DDX17: variants seen among roughly 807,000 people sequenced by gnomAD.
The protein encoded by DDX17 is DEAD-box helicase 17, also known as probable ATP-dependent RNA helicase DDX17.
Under a neutral mutation model 80.8 loss-of-function variants are expected in DDX17, and 10 were observed. The ratio of observed to expected loss-of-function variants is 0.12; its 90% CI spans 0.08 to 0.21. DDX17 has a LOEUF of 0.21. Ranked by LOEUF, DDX17 falls within the 10% of genes least tolerant of loss-of-function variation. DDX17 has a pLI of 1.00. For synonymous variants in DDX17, 339 were observed against 336.2 expected, an observed-to-expected ratio of 1.01 and a Z score of -0.09; for missense variants, 586 against 957.4, an observed-to-expected ratio of 0.61 and a Z score of 5.12.
At chr22:38,488,704 A>C (rs140396998) in intron 11 of DDX17, 94 of 987,988 alleles carry the variant, frequency 9.5e-5, no homozygotes, top group Non-Finnish European at 1.1e-4. Flanking sequence ...TAAGAAACTG[A>C]GTAGAGCCAA....
chr22:38,491,017 G>A (rs909031534), intron 11 of DDX17: 3 of 152,768 alleles, frequency 2.0e-5, no homozygotes, highest in Admixed American at 2.0e-4. Context: ...AACCATTACT[G>A]AAAGCTTTAT....
At position 38,496,570 on chromosome 22, in the gene DDX17, G is replaced by A. The variant is rs552329885; in HGVS notation, c.739-633C>T. ...TCCCCATGTTGGCCAGGCTAGTCTC[G>A]AACTCCTGACTTCATGTGATCTGCC... is the stretch of plus-strand genomic sequence containing the variant. On this transcript the variant is annotated intron_variant, in intron 5 of 12. Transcript: ENST00000403230. 5.9e-5 allele frequency among the ~76,000 whole-genome samples: 9 copies of A among 152,172 alleles called. No individual in the cohort carries two copies. In the South Asian group the frequency reaches 1.2e-3, roughly 21 times the overall value.
chr22:38,501,309 C>G (rs768273865), intron 1 of DDX17, 29 bp from the exon 2 acceptor site: 1 of 1,594,824 alleles, frequency 6.3e-7, no homozygotes. Context: ...GTTAGTTCAT[C>G]AGTATTTTTA....
chr22:38,486,788 A>C (rs965830963), intron 12 of DDX17, among the ~76,000 whole-genome samples: 2 of 152,126 alleles, frequency 1.3e-5, no homozygotes, highest in African/African-American at 4.8e-5. Flanking sequence ...CTCAGTTTCT[A>C]CCCACCACTA....
rs1283221218 is a variant in DDX17 at position 38,485,726 on chromosome 22, A to T, written c.*209T>A. The T allele has an allele frequency of 4.4e-5, 19 of 429,756 alleles. No homozygotes were observed. The highest frequency in any genetic ancestry group is 4.0e-4 in the African/African-American group (19 of 48,014). 26.6% of individuals were successfully genotyped at this position (429,756 alleles called of 1,614,324 possible). A position where few individuals can be genotyped will look rare whatever the true frequency, so the allele number is the denominator to read the frequency against. On this transcript the variant is annotated 3_prime_UTR_variant, in exon 13 of 13. Transcript: ENST00000403230. ...TTTTTTTTACAAAATGTTATTCCAG[A>T]CTGGATCATTTTGGTGGGCAGAAGA...
Position 38,493,744 on chromosome 22 carries a change from G to A in DDX17, c.1353C>T (p.Asp451=). 6.2e-7 allele frequency: 1 copy of A among 1,613,738 alleles called. No individual in the cohort carries two copies. Among genetic ancestry groups the A allele is most frequent in the Non-Finnish European group, 8.5e-7 (1 of 1,179,646 alleles). The change falls in exon 10 of 13, where the codon GAC becomes GAT. Residue 451 remains aspartate, a synonymous_variant. Transcript: ENST00000403230. ...CCCAATCTCTTTCTGGTTGACTCTT[G>A]TCTCCATGGATACACATAGCTGGCC...
chr22:38,497,976 T>C, intron 5 of DDX17, 109 bp downstream of exon 5: 2 of 988,972 alleles, frequency 2.0e-6, no homozygotes, highest in Non-Finnish European at 3.1e-6. Context: ...CATTTCCACC[T>C]ATGGAGGGTG....
At chr22:38,502,506 GTAT>G (rs1232243456) in intron 1 of DDX17, among the ~76,000 whole-genome samples, 7 of 150,866 alleles carry the variant, frequency 4.6e-5, no homozygotes, top group Non-Finnish European at 8.8e-5. Context: ...TTCCCAAATG[GTAT>G]TATTAATTTA....
chr22:38,483,571 C>G lies in DDX17; in HGVS notation c.*2364G>C, dbSNP rs1392430399. The G allele has an allele frequency of 6.6e-6, 1 of 152,604 alleles. No homozygotes were observed. Among genetic ancestry groups the G allele is most frequent in the Non-Finnish European group, 1.5e-5 (1 of 68,044 alleles). 9.5% of individuals were successfully genotyped at this position (152,604 alleles called of 1,614,324 possible). A position where few individuals can be genotyped will look rare whatever the true frequency, so the allele number is the denominator to read the frequency against. ...GCCTGAACATCACACATCTACAAGT[C>G]TTTCAAGTCTTAATGCAACAGGAAT... On this transcript the variant is annotated 3_prime_UTR_variant, in exon 13 of 13. Transcript: ENST00000403230.
intron 6 of DDX17, 109 bp from the exon 7 acceptor site, chr22:38,495,155 C>G: frequency 9.3e-7 from 1 of 1,073,156 alleles, no homozygotes; most frequent in Non-Finnish European, 1.3e-6. Context: ...GGCCAGTTCA[C>G]AACCAGCCTG....
At chr22:38,491,801 C>T (rs1342530163) in intron 11 of DDX17, 4 of 378,782 alleles carry the variant, frequency 1.1e-5, no homozygotes, top group East Asian at 4.6e-5. Context: ...CTAGGCCTTG[C>T]TGCAGACCAA....
At position 38,486,229 on chromosome 22, in the gene DDX17, T is replaced by C. The variant is rs2089657960; in HGVS notation, c.1896A>G (p.Gln632=). The C allele has an allele frequency of 1.9e-6, 3 of 1,614,082 alleles. No individual in the cohort carries two copies. The highest frequency in any genetic ancestry group is 1.3e-5 in the African/African-American group (1 of 74,926). The change falls in exon 13 of 13, where the codon CAA becomes CAG. Residue 632 remains glutamine, a synonymous_variant. Transcript: ENST00000403230. ...CATAGGTGCCTTGACCATAGGTGTA[T>C]TGGCCTGCTTGTGCTCCAAAGGCAG...
chr22:38,491,129 T>C (rs913328385), intron 11 of DDX17: 1 of 152,310 alleles, frequency 6.6e-6, no homozygotes, highest in Admixed American at 6.5e-5. Context: ...GAGAGAACTT[T>C]CCATCATGGC....
chr22:38,499,068 AAACCATTACC>A (rs1041521957), intron 3 of DDX17, among the ~76,000 whole-genome samples: 1 of 152,192 alleles, frequency 6.6e-6, no homozygotes, highest in Non-Finnish European at 1.5e-5. Context: ...GAAATTTGAA[AAACCATTACC>A]CTAAAGCATC....
chr22:38,487,016 A>G (rs2089666400), intron 12 of DDX17, among the ~76,000 whole-genome samples: 1 of 152,080 alleles, frequency 6.6e-6, no homozygotes, highest in Non-Finnish European at 1.5e-5. Flanking sequence ...AAAAATACAA[A>G]AATTAGCTGG....
In DDX17 at chr22:38,501,280, T is replaced by A; in HGVS notation, c.288A>T (p.Gly96=). 1 of 1,603,714 alleles carries A rather than the reference T, an allele frequency of 6.2e-7. No individual in the cohort carries two copies. Among genetic ancestry groups the A allele is most frequent in the Non-Finnish European group, 8.5e-7 (1 of 1,176,232 alleles). Residue 96 remains glycine (G), a splice_region_variant and synonymous_variant, in exon 2 of 13, where the codon GGA becomes GGT. Transcript: ENST00000403230. ...GGCCACCACCACCTCTTGCTCCAAATCTAGGAACAGAATTTTTAGTTAGTT... is the reference window on the plus strand; with the variant it reads ...GGCCACCACCACCTCTTGCTCCAAAACTAGGAACAGAATTTTTAGTTAGTT...
chr22:38,500,894 G>C (rs990975814), intron 2 of DDX17, among the ~76,000 whole-genome samples: 2 of 141,396 alleles, frequency 1.4e-5, no homozygotes, highest in African/African-American at 5.3e-5. Flanking sequence ...ACTTTGAAAA[G>C]CTGAGGCAGG....
intron 11 of DDX17, chr22:38,490,324 T>C (rs1278506289): frequency 7.8e-7 from 1 of 1,287,002 alleles, no homozygotes; most frequent in Non-Finnish European, 1.0e-6. Flanking sequence ...GAATCGCCAA[T>C]CACTAATAAG....
Position 38,489,981 on chromosome 22 carries a change from G to A in DDX17, c.1448-1866C>T. ...ATGCGTTAAGTGTGCTTTCCTAGCA[G>A]AAAGCACCAGGGTGGAGTCAACAGT... is the stretch of plus-strand genomic sequence containing the variant. On this transcript the variant is annotated intron_variant, in intron 11 of 12. Coordinates refer to ENST00000403230, the MANE Select transcript of DDX17 (RefSeq NM_006386.5). The surrounding 1 kb of genome is among the most constrained non-coding windows in gnomAD (Gnocchi z 4.6). 1 of 1,012,646 alleles carries A rather than the reference G, an allele frequency of 9.9e-7. No individual in the cohort carries two copies. The highest frequency in any genetic ancestry group is 1.2e-6 in the Non-Finnish European group (1 of 845,584). The allele number at this position is 1,012,646 out of a possible 1,614,324, so 62.7% of individuals were successfully genotyped here. A position where few individuals can be genotyped will look rare whatever the true frequency, so the allele number is the denominator to read the frequency against.
Sources: allele counts gnomAD v4.1 joint callset (sites outside exome capture counted in the v4.1 genomes callset), GRCh38; gene constraint gnomAD v4.1.1; non-coding constraint Gnocchi (gnomAD v3.1); transcripts MANE v1.5; gene names NCBI Gene and HGNC (gene_info 2026-07-23, HGNC 2026-07-21).